FAM227A: variants seen among roughly 807,000 people sequenced by gnomAD.
FAM227A encodes the protein protein FAM227A.
FAM227A carries 80 observed loss-of-function variants against 74.7 expected under a neutral mutation model. That is an observed-to-expected ratio of 1.07 (90% CI 0.89 to 1.29). FAM227A has a LOEUF of 1.29. FAM227A is among the 50% of genes most tolerant of loss of function. FAM227A has a pLI of 0.00. For missense variants in FAM227A, 654 were observed against 683.4 expected (o/e 0.96, Z 0.48); for synonymous variants, 237 against 241.8 (o/e 0.98, Z 0.19).
In FAM227A at chr22:38,591,543, G is replaced by C; in HGVS notation, c.1533-3C>G. ...TTGGATCAATATTCTTCATTTCCCT[G>C]GGAGGAAAACACAGAGACATATGGA... is the stretch of plus-strand genomic sequence containing the variant. On this transcript the variant is annotated splice_polypyrimidine_tract_variant and splice_region_variant and intron_variant, in intron 15 of 16. Coordinates refer to ENST00000535113, the MANE Select transcript of FAM227A (RefSeq NM_001013647.2). The C allele has an allele frequency of 6.5e-7, 1 of 1,537,396 alleles. No homozygotes were observed. The highest frequency in any genetic ancestry group is 1.2e-5 in the South Asian group (1 of 81,448).
intron 11 of FAM227A, among the ~76,000 whole-genome samples, chr22:38,615,041 GAGAT>G (rs2091546024): frequency 6.6e-6 from 1 of 152,150 alleles, no homozygotes; most frequent in South Asian, 2.1e-4. Flanking sequence ...GGAGGTAAAA[GAGAT>G]AGAACAGCAA....
Position 38,613,137 on chromosome 22 carries a change from A to AT in FAM227A, c.1039-5662dup, listed in dbSNP as rs1491260538. 2.5e-4 allele frequency among the ~76,000 whole-genome samples: 21 copies of AT among 85,116 alleles called. 1 individual carries two copies. Among genetic ancestry groups the AT allele is most frequent in the African/African-American group, 1.1e-3 (21 of 18,432 alleles). The allele number at this position is 85,116 out of a possible 152,430, so 55.8% of individuals were successfully genotyped here. A position where few individuals can be genotyped will look rare whatever the true frequency, so the allele number is the denominator to read the frequency against. On this transcript the variant is annotated intron_variant, in intron 11 of 16. Coordinates refer to ENST00000535113, the MANE Select transcript of FAM227A (RefSeq NM_001013647.2). ...TATATTATATATAATTATATATATAATATATATATTATATATTATATATCT... is the reference window on the plus strand; with the variant it reads ...TATATTATATATAATTATATATATAATTATATATATTATATATTATATATCT...
intron 11 of FAM227A, among the ~76,000 whole-genome samples, chr22:38,616,470 C>T (rs1052288280): frequency 8.6e-5 from 13 of 151,956 alleles, no homozygotes; most frequent in African/African-American, 3.1e-4. Flanking sequence ...CGAGGCTAGC[C>T]TGGCCAACAT....
At chr22:38,607,739 G>T (rs766440179) in intron 11 of FAM227A, among the ~76,000 whole-genome samples, 7 of 152,180 alleles carry the variant, frequency 4.6e-5, no homozygotes, top group Non-Finnish European at 1.0e-4. Context: ...TCAACAGCCA[G>T]TGATCTGGGG....
At chr22:38,615,757 C>T (rs1342640869) in intron 11 of FAM227A, among the ~76,000 whole-genome samples, 1 of 152,060 alleles carries the variant, frequency 6.6e-6, no homozygotes, top group African/African-American at 2.4e-5. Context: ...AGGGAATAAC[C>T]CCATCTGATG....
At chr22:38,635,720 T>C (rs1364800523) in intron 6 of FAM227A, among the ~76,000 whole-genome samples, 1 of 152,086 alleles carries the variant, frequency 6.6e-6, no homozygotes, top group African/African-American at 2.4e-5. Flanking sequence ...TGGCTGGGCA[T>C]AGTGGTTCAC....
chr22:38,591,188 G>A (rs1272915292), intron 16 of FAM227A, among the ~76,000 whole-genome samples: 3 of 152,168 alleles, frequency 2.0e-5, no homozygotes, highest in Non-Finnish European at 4.4e-5. Flanking sequence ...GCTGGGCATG[G>A]TGGCACACAC....
At chr22:38,588,914 C>G (rs1163836018) in intron 16 of FAM227A, among the ~76,000 whole-genome samples, 1 of 122,460 alleles carries the variant, frequency 8.2e-6, no homozygotes, top group South Asian at 2.5e-4. Context: ...GGCGATAGAG[C>G]AAGACTCCAT....
intron 16 of FAM227A, among the ~76,000 whole-genome samples, chr22:38,588,820 T>G (rs2090867869): frequency 1.5e-5 from 2 of 132,366 alleles, no homozygotes; most frequent in African/African-American, 5.8e-5. Context: ...CCCAGCTACG[T>G]GGGAAGCTGA....
Position 38,591,262 on chromosome 22 carries a change from T to A in FAM227A, c.1638+173A>T, listed in dbSNP as rs1191520714. On this transcript the variant is annotated intron_variant, in intron 16 of 16. Transcript: ENST00000535113. ...TTGCTTGAGCCCAGGAGGTGGAGGC[T>A]GCAGTGAGCTATGATGGCACCACTG... The A allele has an allele frequency of 2.4e-6, 3 of 1,262,702 alleles. No homozygotes were observed. The African/African-American group carries it at 4.7e-5, about 20-fold the overall frequency. The allele number at this position is 1,262,702 out of a possible 1,614,324, so 78.2% of individuals were successfully genotyped here.
Position 38,582,378 on chromosome 22 carries a change from TGA to T in FAM227A, c.*3745_*3746del, listed in dbSNP as rs1235645939. 20 of 1,550,502 alleles carry T rather than the reference TGA, an allele frequency of 1.3e-5. No homozygotes were observed. Among genetic ancestry groups the T allele is most frequent in the Non-Finnish European group, 1.7e-5 (19 of 1,146,892 alleles). On this transcript the variant is annotated 3_prime_UTR_variant, in exon 17 of 17. Transcript: ENST00000535113. ...CATCTGAATTTATCTTCTTCCATGC[TGA>T]GAGTATGGGTTTTCAGCAACACTGG...
chr22:38,612,004 T>C (rs2091422537), intron 11 of FAM227A, among the ~76,000 whole-genome samples: 1 of 152,102 alleles, frequency 6.6e-6, no homozygotes, highest in South Asian at 2.1e-4. Flanking sequence ...CCGTCCTTTC[T>C]TCCCCCACTT....
rs777133325 is a variant in FAM227A at position 38,578,855 on chromosome 22, C to G, written c.*7270G>C. On this transcript the variant is annotated 3_prime_UTR_variant, in exon 17 of 17. Coordinates refer to ENST00000535113, the MANE Select transcript of FAM227A (RefSeq NM_001013647.2). ...ATTAAAGGAGAGAGGCCAAAAGGAACGAGTATTTGTTGAACACCCAATAAT... is the reference window on the plus strand; with the variant it reads ...ATTAAAGGAGAGAGGCCAAAAGGAAGGAGTATTTGTTGAACACCCAATAAT... 2.0e-5 allele frequency: 3 copies of G among 152,116 alleles called. No homozygotes were observed. The highest frequency in any genetic ancestry group is 4.4e-5 in the Non-Finnish European group (3 of 68,038). The allele number at this position is 152,116 out of a possible 1,614,324, so 9.4% of individuals were successfully genotyped here.
At chr22:38,606,265 CAA>C (rs779586572) in intron 12 of FAM227A, among the ~76,000 whole-genome samples, 8 of 152,140 alleles carry the variant, frequency 5.3e-5, no homozygotes, top group Non-Finnish European at 8.8e-5. Context: ...CTCCTGGACT[CAA>C]GTGATCCTCC....
In FAM227A at chr22:38,607,444, G is replaced by A. The variant is rs2091308921; in HGVS notation, c.1071C>T (p.Thr357=). 1.3e-6 allele frequency: 2 copies of A among 1,551,322 alleles called. No individual in the cohort carries two copies. The highest frequency in any genetic ancestry group is 2.4e-5 in the South Asian group (2 of 84,066). Residue 357 remains threonine, a synonymous_variant, in exon 12 of 17, where the codon ACC becomes ACT. Coordinates refer to ENST00000535113, the MANE Select transcript of FAM227A (RefSeq NM_001013647.2). ...SSSANSPSEK[T]SSAKQNSEKS... ...TTTCTGAGTTCTGCTTGGCCGAAGA[G>A]GTTTTTTCACTGGGTGAATTTGCAC...
At chr22:38,613,111 A>AAT (rs2091460297) in intron 11 of FAM227A, among the ~76,000 whole-genome samples, 3 of 94,410 alleles carry the variant, frequency 3.2e-5, no homozygotes, top group African/African-American at 1.4e-4. Flanking sequence ...ATAATTATAT[A>AAT]TATATTATAT....
At chr22:38,645,940 C>A (rs962690158) in intron 2 of FAM227A, among the ~76,000 whole-genome samples, 3 of 151,984 alleles carry the variant, frequency 2.0e-5, no homozygotes, top group African/African-American at 7.2e-5. Flanking sequence ...CACACCACCA[C>A]CCCTGGCCTA....
rs146815894 is a variant in FAM227A at position 38,612,784 on chromosome 22, C to CA, written c.1039-5309dup. Among the ~76,000 whole-genome samples the CA allele has an allele frequency of 2.4e-3, 359 of 151,976 alleles. 2 individuals are homozygous for CA. The highest frequency in any genetic ancestry group is 6.8e-3 in the Middle Eastern group (2 of 294). ...AGTAGAACTTTTAACATCCAGTCCT[C>CA]AGTCACACTGGCACACAGTAGCACA... On this transcript the variant is annotated intron_variant, in intron 11 of 16. Transcript: ENST00000535113.
At chr22:38,618,338 A>G (rs1004232890) in intron 11 of FAM227A, 3 of 152,358 alleles carry the variant, frequency 2.0e-5, no homozygotes, top group African/African-American at 7.2e-5. Flanking sequence ...TTGAATCTGC[A>G]TATAGAAATC....
Sources: allele counts gnomAD v4.1 joint callset (sites outside exome capture counted in the v4.1 genomes callset), GRCh38; gene constraint gnomAD v4.1.1; transcripts MANE v1.5; gene names NCBI Gene and HGNC (gene_info 2026-07-23, HGNC 2026-07-21).